The following TGFB2 variants were observed in gnomAD, a reference collection of about 807,000 sequenced individuals.
The protein encoded by TGFB2 is transforming growth factor beta 2.
In TGFB2, 13 loss-of-function variants were observed where a neutral mutation model predicts 42.7. The ratio of observed to expected loss-of-function variants is 0.30; its 90% confidence interval spans 0.20 to 0.48. TGFB2 has a LOEUF of 0.48. TGFB2 is among the 20% of genes least tolerant of loss of function. The pLI, the probability that TGFB2 is intolerant of heterozygous loss-of-function variation, is 0.99. For synonymous variants in TGFB2, 193 were observed against 193.6 expected (o/e 1.00, Z 0.03); for missense variants, 390 against 517.5 (o/e 0.75, Z 2.39).
chr1:218,396,332 T>G (rs1658510568), intron 1 of TGFB2, among the ~76,000 whole-genome samples: 1 of 152,062 alleles, frequency 6.6e-6, no homozygotes. Flanking sequence ...AGAAAAACAA[T>G]TTTTGGAGGC....
chr1:218,406,279 T>A (rs1658908081), intron 2 of TGFB2, among the ~76,000 whole-genome samples: 1 of 151,718 alleles, frequency 6.6e-6, no homozygotes, highest in Non-Finnish European at 1.5e-5. Context: ...GGAGTTGGAG[T>A]TGGTGGGCAG....
chr1:218,348,611 C>A (rs1656769492), intron 1 of TGFB2, among the ~76,000 whole-genome samples: 1 of 152,192 alleles, frequency 6.6e-6, no homozygotes, highest in Non-Finnish European at 1.5e-5. Context: ...GTGATAAATA[C>A]ACTCCACCCC....
chr1:218,423,253 T>C (rs1271586144), intron 2 of TGFB2, among the ~76,000 whole-genome samples: 2 of 152,174 alleles, frequency 1.3e-5, no homozygotes, highest in East Asian at 3.8e-4. Context: ...AACCAAAATA[T>C]AAGGGTTTGT....
intron 1 of TGFB2, among the ~76,000 whole-genome samples, chr1:218,391,323 G>A (rs532310597): frequency 5.9e-5 from 9 of 152,284 alleles, no homozygotes; most frequent in East Asian, 1.9e-4. Context: ...GTGTGTGCCT[G>A]TACAGGTCCA....
At chr1:218,360,949 G>T (rs1005868579) in intron 1 of TGFB2, among the ~76,000 whole-genome samples, 1 of 152,162 alleles carries the variant, frequency 6.6e-6, no homozygotes, top group Non-Finnish European at 1.5e-5. Context: ...CCGCCTCCTG[G>T]GTTCAAGCGA....
chr1:218,405,416 G>C (rs775923751), intron 2 of TGFB2, 84 bp downstream of exon 2: 98 of 1,597,260 alleles, frequency 6.1e-5, no homozygotes, highest in Admixed American at 1.7e-4. Context: ...ACAGGCTAGA[G>C]TACAGTGGCA....
chr1:218,398,195 C>T (rs550826234), intron 1 of TGFB2, among the ~76,000 whole-genome samples: 6 of 152,376 alleles, frequency 3.9e-5, no homozygotes, highest in Non-Finnish European at 8.8e-5. Context: ...ATCAGACTTT[C>T]CTGGATGATT....
chr1:218,431,929 C>A (rs1659819814), intron 2 of TGFB2, among the ~76,000 whole-genome samples: 1 of 152,200 alleles, frequency 6.6e-6, no homozygotes, highest in African/African-American at 2.4e-5. Context: ...TGCTATTAAG[C>A]TGTATCTTTA....
chr1:218,351,572 C>G (rs1274050673), intron 1 of TGFB2, among the ~76,000 whole-genome samples: 1 of 152,074 alleles, frequency 6.6e-6, no homozygotes, highest in Non-Finnish European at 1.5e-5. Flanking sequence ...CTATTTATAA[C>G]GAAAGCAGTT....
At chr1:218,423,799 T>C (rs1363192902) in intron 2 of TGFB2, among the ~76,000 whole-genome samples, 1 of 152,228 alleles carries the variant, frequency 6.6e-6, no homozygotes, top group Non-Finnish European at 1.5e-5. Flanking sequence ...TCACACGTAT[T>C]GAATACCAGG....
chr1:218,411,129 C>T (rs1308381576), intron 2 of TGFB2, among the ~76,000 whole-genome samples: 2 of 152,216 alleles, frequency 1.3e-5, no homozygotes, highest in Non-Finnish European at 2.9e-5. Flanking sequence ...CACCAACTCA[C>T]ACCCTTTCAA....
At chr1:218,414,354 T>C (rs1173286435) in intron 2 of TGFB2, among the ~76,000 whole-genome samples, 1 of 151,938 alleles carries the variant, frequency 6.6e-6, no homozygotes, top group East Asian at 1.9e-4. Context: ...CTTGCAAAAA[T>C]GCTACTGACA....
At chr1:218,419,390 T>C (rs1050903114) in intron 2 of TGFB2, among the ~76,000 whole-genome samples, 1 of 152,186 alleles carries the variant, frequency 6.6e-6, no homozygotes, top group Non-Finnish European at 1.5e-5. Flanking sequence ...TTGGCCACCG[T>C]ACCTAAGATC....
chr1:218,351,229 G>A (rs1269631483), intron 1 of TGFB2, among the ~76,000 whole-genome samples: 3 of 152,298 alleles, frequency 2.0e-5, no homozygotes, highest in Non-Finnish European at 2.9e-5. Flanking sequence ...TTGCTGGAAC[G>A]TAGTGGTATT....
At chr1:218,415,100 G>A (rs1659229978) in intron 2 of TGFB2, among the ~76,000 whole-genome samples, 1 of 152,186 alleles carries the variant, frequency 6.6e-6, no homozygotes, top group Admixed American at 6.5e-5. Context: ...AAATGCAGAT[G>A]AAAGCACCTA....
chr1:218,374,268 G>A (rs1347284852), intron 1 of TGFB2, among the ~76,000 whole-genome samples: 1 of 152,200 alleles, frequency 6.6e-6, no homozygotes, highest in Non-Finnish European at 1.5e-5. Flanking sequence ...TCAATAAGCA[G>A]GATCCTGGAA....
At chr1:218,355,723 T>C (rs1258501238) in intron 1 of TGFB2, among the ~76,000 whole-genome samples, 3 of 152,198 alleles carry the variant, frequency 2.0e-5, no homozygotes, top group African/African-American at 7.2e-5. Context: ...TGGCCTTCTT[T>C]CCACAGCAGC....
At chr1:218,372,455 G>T (rs560195479) in intron 1 of TGFB2, among the ~76,000 whole-genome samples, 1 of 152,348 alleles carries the variant, frequency 6.6e-6, no homozygotes, top group African/African-American at 2.4e-5. Flanking sequence ...GTTTTCCCAA[G>T]ACTGCTGCTT....
Position 218,405,343 on chromosome 1 carries a change from T to TTTGTTGTTGTTGTTGTTGTTG in TGFB2, c.510+23_510+43dup, listed in dbSNP as rs10482769. 1 of 1,507,256 alleles carries TTTGTTGTTGTTGTTGTTGTTG rather than the reference T, an allele frequency of 6.6e-7. No individual in the cohort carries two copies. Among genetic ancestry groups the TTTGTTGTTGTTGTTGTTGTTG allele is most frequent in the African/African-American group, 1.4e-5 (1 of 72,536 alleles). The allele number at this position is 1,507,256 out of a possible 1,614,324, so 93.4% of individuals were successfully genotyped here. On this transcript the variant is annotated intron_variant, in intron 2 of 6. Coordinates refer to ENST00000366930, the MANE Select transcript of TGFB2 (RefSeq NM_003238.6). ...ATTGAGCTATATCAGGTAATGTTCA[T>TTTGTTGTTGTTGTTGTTGTTG]TTGTTGTTGTTGTTGTTGTTGTTGT...
Sources: allele counts gnomAD v4.1 joint callset (sites outside exome capture counted in the v4.1 genomes callset), GRCh38; gene constraint gnomAD v4.1.1; transcripts MANE v1.5; gene names NCBI Gene and HGNC (gene_info 2026-07-23, HGNC 2026-07-21).